Variants in CERS3 observed in about 807,000 individuals in gnomAD.
The protein encoded by CERS3 is LAG1 homolog, ceramide synthase 3.
A neutral mutation model predicts 50.3 loss-of-function variants in CERS3; 33 were observed. That is an observed-to-expected ratio of 0.66 (90% confidence interval 0.50 to 0.88). The LOEUF is 0.88. Among genes scored for constraint, CERS3 ranks in the 40% least tolerant of loss-of-function variants. The pLI, the probability that CERS3 is intolerant of heterozygous loss-of-function variation, is 0.00. For synonymous variants in CERS3, 176 were observed against 155.2 expected (o/e 1.13, Z -0.99); for missense variants, 470 against 460.3 (o/e 1.02, Z -0.19).
intron 1 of CERS3, among the ~76,000 whole-genome samples, chr15:100,535,766 T>C (rs4343264): frequency 0.048 from 3,699 of 77,614 alleles, 87 homozygotes; most frequent in East Asian, 0.11. Flanking sequence ...CATCCCTATG[T>C]TCATATGTGC....
At chr15:100,447,364 C>A (rs545744344) in intron 11 of CERS3, among the ~76,000 whole-genome samples, 1 of 152,346 alleles carries the variant, frequency 6.6e-6, no homozygotes, top group East Asian at 1.9e-4. Flanking sequence ...AAGCCCCCTA[C>A]TTCCAGTTGT....
intron 1 of CERS3, among the ~76,000 whole-genome samples, chr15:100,542,896 C>G (rs561463143): frequency 6.6e-6 from 1 of 151,614 alleles, no homozygotes; most frequent in Admixed American, 6.6e-5. Flanking sequence ...AACTCTGTTG[C>G]CTATTCAGGT....
At chr15:100,542,213 T>C (rs1312744937) in intron 1 of CERS3, among the ~76,000 whole-genome samples, 1 of 152,220 alleles carries the variant, frequency 6.6e-6, no homozygotes, top group African/African-American at 2.4e-5. Flanking sequence ...GCCTCAGGAA[T>C]GAACTATTAT....
intron 2 of CERS3, among the ~76,000 whole-genome samples, chr15:100,507,072 G>C (rs75018333): frequency 6.6e-6 from 1 of 151,976 alleles, no homozygotes; most frequent in Non-Finnish European, 1.5e-5. Flanking sequence ...TTCATTTATG[G>C]TGCTTAAGTT....
intron 10 of CERS3, among the ~76,000 whole-genome samples, chr15:100,460,670 C>G (rs370288616): frequency 4.4e-4 from 67 of 152,314 alleles, no homozygotes; most frequent in African/African-American, 1.5e-3. Context: ...AGCAGGCAAG[C>G]TTTCCAAAGG....
intron 4 of CERS3, 116 bp from the exon 5 acceptor site, chr15:100,484,784 G>T: frequency 1.3e-6 from 1 of 745,516 alleles, no homozygotes; most frequent in Non-Finnish European, 2.3e-6. Flanking sequence ...GAGAAATTCT[G>T]TCATGAGACC....
intron 11 of CERS3, among the ~76,000 whole-genome samples, chr15:100,421,779 G>A (rs1180332779): frequency 1.3e-4 from 18 of 134,434 alleles, no homozygotes; most frequent in African/African-American, 3.1e-4. Flanking sequence ...AAATAATGCC[G>A]CGTATCTACA....
At chr15:100,486,343 T>C (rs750526997) in intron 4 of CERS3, among the ~76,000 whole-genome samples, 5 of 152,120 alleles carry the variant, frequency 3.3e-5, no homozygotes, top group Admixed American at 6.5e-5. Flanking sequence ...AAACAGAAGA[T>C]CCAGTTCTGC....
intron 4 of CERS3, among the ~76,000 whole-genome samples, chr15:100,488,559 A>G (rs1596748258): frequency 6.6e-6 from 1 of 152,150 alleles, no homozygotes; most frequent in African/African-American, 2.4e-5. Flanking sequence ...TGCAATTGCT[A>G]TTAAGTCATG....
At position 100,446,164 on chromosome 15, in the gene CERS3, A is replaced by G. The variant is rs2033930193; in HGVS notation, c.999+9729T>C. 2.0e-5 allele frequency among the ~76,000 whole-genome samples: 3 copies of G among 152,188 alleles called. No individual in the cohort carries two copies. In the South Asian group the frequency reaches 6.2e-4, roughly 32 times the overall value. On this transcript the variant is annotated intron_variant, in intron 11 of 11. Transcript: ENST00000679737. The stretch of plus-strand genomic sequence containing the variant: ...AATAAACAGCCTTGTTGCTCACACA[A>G]AGCCTGTTTGGTGGTCTCTTCACAC...
upstream of CERS3, among the ~76,000 whole-genome samples, chr15:100,533,025 G>C (rs11247221): frequency 0.48 from 72,942 of 151,684 alleles, 17,805 homozygotes; most frequent in South Asian, 0.62. Context: ...TCCCTTCCCC[G>C]CTCCACTCCG....
chr15:100,522,861 A>G (rs1187863026), intron 1 of CERS3, among the ~76,000 whole-genome samples: 1 of 152,242 alleles, frequency 6.6e-6, no homozygotes. Context: ...TGGAAACGCC[A>G]GGTCATAAGG....
At chr15:100,480,360 A>G (rs2035261094) in intron 5 of CERS3, among the ~76,000 whole-genome samples, 1 of 152,228 alleles carries the variant, frequency 6.6e-6, no homozygotes, top group Admixed American at 6.5e-5. Flanking sequence ...TATTCTGGTT[A>G]TAATGGCTAG....
intron 8 of CERS3, among the ~76,000 whole-genome samples, chr15:100,475,648 T>G (rs2035103160): frequency 6.6e-6 from 1 of 152,156 alleles, no homozygotes; most frequent in African/African-American, 2.4e-5. Context: ...CGAAGCAAGG[T>G]TTCCTCATAA....
At chr15:100,488,840 A>C (rs534328718) in intron 4 of CERS3, among the ~76,000 whole-genome samples, 1 of 150,704 alleles carries the variant, frequency 6.6e-6, no homozygotes, top group African/African-American at 2.4e-5. Context: ...GTGGTGGCGC[A>C]ATCTTGGCTC....
At chr15:100,508,640 T>A (rs534573498) in intron 2 of CERS3, among the ~76,000 whole-genome samples, 1 of 152,338 alleles carries the variant, frequency 6.6e-6, no homozygotes, top group East Asian at 1.9e-4. Context: ...AGGAGCCCAC[T>A]GATGCCCACA....
At chr15:100,484,324 T>A (rs1194522175) in intron 5 of CERS3, among the ~76,000 whole-genome samples, 1 of 152,212 alleles carries the variant, frequency 6.6e-6, no homozygotes, top group Non-Finnish European at 1.5e-5. Flanking sequence ...CTGAATCTAT[T>A]CTGGTTCGGG....
At chr15:100,453,186 G>A (rs1172711320) in intron 11 of CERS3, among the ~76,000 whole-genome samples, 5 of 151,444 alleles carry the variant, frequency 3.3e-5, no homozygotes, top group African/African-American at 1.2e-4. Flanking sequence ...AACCAGACAA[G>A]GACCCAACAA....
At position 100,479,413 on chromosome 15, in the gene CERS3, T is replaced by C. The variant is rs754840832; in HGVS notation, c.516+15A>G. The C allele has an allele frequency of 3.8e-6, 6 of 1,588,894 alleles. No individual in the cohort carries two copies. The highest frequency in any genetic ancestry group is 1.4e-5 in the African/African-American group (1 of 73,924). On this transcript the variant is annotated intron_variant, in intron 7 of 11. Transcript: ENST00000679737. Reference sequence around the variant, plus strand: ...GTGTTCAAGTAAGGGGAGGAATATGTTATAGTGGACTTACCTGTTTGGGAT... The same window carrying C: ...GTGTTCAAGTAAGGGGAGGAATATGCTATAGTGGACTTACCTGTTTGGGAT...
Sources: gnomAD v4.1 joint callset for allele counts (sites outside exome capture counted in the v4.1 genomes callset) on GRCh38, gnomAD v4.1.1 for gene constraint, MANE v1.5 for transcripts, NCBI Gene and HGNC (gene_info 2026-07-23, HGNC 2026-07-21) for gene names.